Variants in GPHN observed in about 807,000 individuals in gnomAD.
The protein encoded by GPHN is gephyrin.
Under a neutral mutation model 95.5 loss-of-function variants are expected in GPHN, and 17 were observed. That is an observed-to-expected ratio of 0.18 (90% confidence interval 0.12 to 0.27). GPHN has a LOEUF of 0.27. Ranked by LOEUF, GPHN falls within the 10% of genes least tolerant of loss-of-function variation. The probability of loss-of-function intolerance (pLI) is 1.00; values close to 1 mark genes in which losing one functional copy is unlikely to be tolerated. For synonymous variants in GPHN, 320 were observed against 322.5 expected, an observed-to-expected ratio of 0.99 and a Z score of 0.08; for missense variants, 660 against 978.1, an observed-to-expected ratio of 0.67 and a Z score of 4.34.
chr14:66,823,833 C>T (rs926162173), intron 3 of GPHN, among the ~76,000 whole-genome samples: 3 of 152,018 alleles, frequency 2.0e-5, no homozygotes, highest in Non-Finnish European at 4.4e-5. Flanking sequence ...TAAATTTTGA[C>T]TCTGAATTAT....
chr14:66,926,137 G>A (rs987080753), intron 8 of GPHN, among the ~76,000 whole-genome samples: 2 of 152,030 alleles, frequency 1.3e-5, no homozygotes, highest in Non-Finnish European at 2.9e-5. Context: ...ATATAGTCTG[G>A]TTATTAATCC....
At chr14:66,926,557 T>C (rs890952800) in intron 8 of GPHN, among the ~76,000 whole-genome samples, 6 of 152,228 alleles carry the variant, frequency 3.9e-5, no homozygotes, top group African/African-American at 1.2e-4. Context: ...ATGAGCTTAC[T>C]GTACTTATAT....
chr14:67,721,907 G>C, the GPHN span, among the ~76,000 whole-genome samples: 13 of 152,116 alleles, frequency 8.5e-5, no homozygotes, highest in African/African-American at 2.9e-4. Flanking sequence ...TAGAGTCCAT[G>C]CACTTAAACA....
chr14:67,622,171 A>G, the GPHN span, among the ~76,000 whole-genome samples: 1 of 152,196 alleles, frequency 6.6e-6, no homozygotes. Context: ...GTTCAAGGCC[A>G]TTTGCTCTGT....
At chr14:67,621,177 T>G in the GPHN span, among the ~76,000 whole-genome samples, 1 of 152,028 alleles carries the variant, frequency 6.6e-6, no homozygotes, top group Admixed American at 6.6e-5. Flanking sequence ...GGCAAGGAGG[T>G]AGAGTGAGGC....
intron 18 of GPHN, among the ~76,000 whole-genome samples, chr14:67,155,775 G>A (rs1049893746): frequency 6.6e-6 from 1 of 152,000 alleles, no homozygotes; most frequent in East Asian, 1.9e-4. Context: ...GAAATTCTAG[G>A]AGCTCTACTA....
At chr14:67,205,769 G>A in the GPHN span, among the ~76,000 whole-genome samples, 1 of 152,160 alleles carries the variant, frequency 6.6e-6, no homozygotes, top group South Asian at 2.1e-4. Context: ...GTTAGTGACC[G>A]AAGTCTCCTG....
At chr14:67,713,397 C>CAAAAAAAAAAAAAAA in the GPHN span, among the ~76,000 whole-genome samples, 1 of 47,630 alleles carries the variant, frequency 2.1e-5, no homozygotes, top group South Asian at 1.2e-3. Context: ...AGTAAAACTC[C>CAAAAAAAAAAAAAAA]AAAAAAAAAA....
the GPHN span, chr14:67,577,281 C>T: frequency 6.6e-7 from 1 of 1,517,324 alleles, no homozygotes; most frequent in Non-Finnish European, 9.0e-7. Context: ...CCCTTGCTCT[C>T]TGGTTCCGTG....
At chr14:66,951,319 C>T (rs997656340) in intron 8 of GPHN, among the ~76,000 whole-genome samples, 2 of 151,944 alleles carry the variant, frequency 1.3e-5, no homozygotes, top group African/African-American at 4.8e-5. Flanking sequence ...GACATCAAGA[C>T]CATCCTGGCC....
chr14:66,884,154 T>G lies in GPHN; in HGVS notation c.389+4121T>G, dbSNP rs568968369. On this transcript the variant is annotated intron_variant, in intron 5 of 22. Transcript: ENST00000478722. ...TTAGACAATATCGGCTCCTTTTTTT[T>G]GTTTCCATTAGCCAAAGAGATAGGT... Among the ~76,000 whole-genome samples, 16 of 152,206 alleles carry G rather than the reference T, an allele frequency of 1.1e-4. No individual in the cohort carries two copies. In the South Asian group the frequency reaches 1.5e-3, roughly 14 times the overall value.
intron 17 of GPHN, among the ~76,000 whole-genome samples, chr14:67,125,636 G>C (rs1048864728): frequency 4.6e-5 from 7 of 152,126 alleles, no homozygotes; most frequent in Admixed American, 4.6e-4. Flanking sequence ...AATTAGCTAG[G>C]CATGGTGGTG....
At chr14:67,639,388 A>G in the GPHN span, among the ~76,000 whole-genome samples, 2 of 152,320 alleles carry the variant, frequency 1.3e-5, no homozygotes, top group African/African-American at 4.8e-5. Context: ...AACGTTAGTT[A>G]ATATTATTTA....
chr14:67,402,883 G>C, the GPHN span, among the ~76,000 whole-genome samples: 1 of 152,128 alleles, frequency 6.6e-6, no homozygotes, highest in Admixed American at 6.5e-5. Flanking sequence ...AACAGACATG[G>C]GTGTGCAGAT....
chr14:67,516,913 CT>C, the GPHN span, among the ~76,000 whole-genome samples: 2 of 152,184 alleles, frequency 1.3e-5, no homozygotes, highest in Non-Finnish European at 2.9e-5. Context: ...AGACTTCCCC[CT>C]GAGTTTGTTT....
At chr14:67,396,515 T>C in the GPHN span, among the ~76,000 whole-genome samples, 48 of 126,752 alleles carry the variant, frequency 3.8e-4, no homozygotes, top group Admixed American at 4.1e-4. Context: ...TACCTCCATC[T>C]GGCCCAAACC....
At chr14:67,692,630 T>C in the GPHN span, 1 of 1,515,178 alleles carries the variant, frequency 6.6e-7, no homozygotes, top group Non-Finnish European at 8.8e-7. Context: ...TGGTCAGCTC[T>C]GTTTTTGAGC....
chr14:67,600,225 G>C, the GPHN span: 1 of 1,543,504 alleles, frequency 6.5e-7, no homozygotes. Flanking sequence ...TCGGCCGCCC[G>C]CACCGCGCGG....
intron 1 of GPHN, among the ~76,000 whole-genome samples, chr14:66,601,354 G>C (rs1470670781): frequency 6.6e-6 from 1 of 151,988 alleles, no homozygotes; most frequent in South Asian, 2.1e-4. Context: ...GAGGCTTTTA[G>C]AATCAATAAG....
Sources: allele counts gnomAD v4.1 joint callset (sites outside exome capture counted in the v4.1 genomes callset), GRCh38; gene constraint gnomAD v4.1.1; transcripts MANE v1.5; gene names NCBI Gene and HGNC (gene_info 2026-07-23, HGNC 2026-07-21).